The following KLHL9 variants were observed in gnomAD, a reference collection of about 807,000 sequenced individuals.
The protein encoded by KLHL9 is kelch like family member 9.
A neutral mutation model predicts 42.3 loss-of-function variants in KLHL9; 27 were observed. The ratio of observed to expected loss-of-function variants is 0.64; its 90% CI spans 0.47 to 0.88. The LOEUF is 0.88. Among genes scored for constraint, KLHL9 ranks in the 40% least tolerant of loss-of-function variants. The pLI is 0.00. For synonymous variants in KLHL9, 274 were observed against 254.4 expected, an observed-to-expected ratio of 1.08 and a Z score of -0.73; for missense variants, 629 against 750.3, an observed-to-expected ratio of 0.84 and a Z score of 1.89.
At position 21,333,646 on chromosome 9, in the gene KLHL9, C is replaced by G; in HGVS notation, c.1214G>C (p.Gly405Ala). ...CAGTTCACCAGCTGCACTGCGCCCACCAACTGCATACAAATGTCCTTTGAG... is the reference window on the plus strand; with the variant it reads ...CAGTTCACCAGCTGCACTGCGCCCAGCAACTGCATACAAATGTCCTTTGAG... ...SALKGHLYAV[G>A]GRSAAGELAT... Residue 405 changes from glycine to alanine, a missense_variant, in exon 1 of 1, where the codon GGT becomes GCT. Around this residue, in one of 4 missense-constraint regions of KLHL9, gnomAD observed 214 missense variants for 305.8 expected, o/e 0.70. Coordinates refer to ENST00000359039, the MANE Select transcript of KLHL9 (RefSeq NM_018847.4). The surrounding 1 kb of genome is among the most constrained non-coding windows in gnomAD (Gnocchi z 7.5). 6.2e-7 allele frequency: 1 copy of G among 1,614,212 alleles called. No homozygotes were observed. Among genetic ancestry groups the G allele is most frequent in the Non-Finnish European group, 8.5e-7 (1 of 1,180,038 alleles).
chr9:21,334,561 T>C lies in KLHL9; in HGVS notation c.299A>G (p.Lys100Arg), dbSNP rs1459494937. The C allele has an allele frequency of 1.9e-6, 3 of 1,614,228 alleles. No individual in the cohort carries two copies. The highest frequency in any genetic ancestry group is 1.3e-5 in the African/African-American group (1 of 75,064). Residue 100 changes from lysine (K) to arginine (R), a missense_variant, in exon 1 of 1, where the codon AAG becomes AGG. Lys to Arg is a conservative substitution (Grantham distance 26). Transcript: ENST00000359039. This position sits in a 1 kb window ranked among gnomAD's most constrained non-coding sequence, Gnocchi z 5.1. Reference protein sequence around the residue: ...LMCIKLHGVNKVGLKKIIDFI... With the variant: ...LMCIKLHGVNRVGLKKIIDFI... ...ATCAATGATTTTCTTCAGACCAACC[T>C]TGTTCACCCCATGAAGCTTAATGCA...
Position 21,329,741 on chromosome 9 carries a change from G to T in KLHL9, c.*3265C>A, listed in dbSNP as rs1820136879. On this transcript the variant is annotated 3_prime_UTR_variant, in exon 1 of 1. Transcript: ENST00000359039. ...GGTCTGGCATACTTGAAAAATATTT[G>T]ACAAATGCCTGCACATATGTACGTA... 6.6e-6 allele frequency: 1 copy of T among 150,474 alleles called. No individual in the cohort carries two copies. The highest frequency in any genetic ancestry group is 2.1e-4 in the South Asian group (1 of 4,776). The allele number at this position is 150,474 out of a possible 1,614,324, so 9.3% of individuals were successfully genotyped here.
rs1285992267 is a variant in KLHL9 at position 21,334,210 on chromosome 9, T to C, written c.650A>G (p.Lys217Arg). The C allele has an allele frequency of 6.2e-7, 1 of 1,614,208 alleles. No individual in the cohort carries two copies. The highest frequency in any genetic ancestry group is 2.2e-5 in the East Asian group (1 of 44,886). Residue 217 changes from lysine (K) to arginine (R), a missense_variant, in exon 1 of 1, where the codon AAG becomes AGG. Lys to Arg is a conservative substitution (Grantham distance 26). Coordinates refer to ENST00000359039, the MANE Select transcript of KLHL9 (RefSeq NM_018847.4). This position sits in a 1 kb window ranked among gnomAD's most constrained non-coding sequence, Gnocchi z 5.1. ...CAACCTTAGCCAGCGACAGGCTGCC[T>C]TAAAGAGTTCAAGTTCGGTACAGTG... is the stretch of plus-strand genomic sequence containing the variant. ...LKHCTELELF[K>R]AACRWLRLED... is the part of the protein sequence containing the mutation.
Position 21,334,164 on chromosome 9 carries a change from A to T in KLHL9, c.696T>A (p.Tyr232Ter). 1.2e-6 allele frequency: 2 copies of T among 1,614,254 alleles called. No homozygotes were observed. Among genetic ancestry groups the T allele is most frequent in the Non-Finnish European group, 1.7e-6 (2 of 1,180,056 alleles). ...GAATATTCTTCATTAACTTTGCAGC[A>T]TAATCCATCCGAGGGTCTTCCAACC... The part of the protein sequence containing the change: ...WLRLEDPRMD[Y>*]AAKLMKNIRF... The change falls in exon 1 of 1, where the codon TAT (tyrosine) becomes TAA (stop). Residue 232 changes from tyrosine to a stop codon, truncating the protein, a stop_gained. Coordinates refer to ENST00000359039, the MANE Select transcript of KLHL9 (RefSeq NM_018847.4). LOFTEE classifies it high-confidence loss of function. The surrounding 1 kb of genome is among the most constrained non-coding windows in gnomAD (Gnocchi z 5.1).
At position 21,333,027 on chromosome 9, in the gene KLHL9, T is replaced by C. The variant is rs114638498; in HGVS notation, c.1833A>G (p.Ser611=). The change falls in exon 1 of 1, where the codon TCA becomes TCG. Residue 611 remains serine (S), a synonymous_variant. Transcript: ENST00000359039. This position sits in a 1 kb window ranked among gnomAD's most constrained non-coding sequence, Gnocchi z 7.5. Reference sequence around the variant, plus strand: ...AGACCTAAGAATGATCTGAAGGTGCTGAAAGAGGTGATTCTCTAGAAGGTG... The same window carrying C: ...AGACCTAAGAATGATCTGAAGGTGCCGAAAGAGGTGATTCTCTAGAAGGTG... The part of the protein sequence containing the change: ...PGSPSRESPL[S]APSDHS 1,993 of 1,614,166 alleles carry C rather than the reference T, an allele frequency of 1.2e-3. 27 individuals are homozygous for C. The African/African-American group carries it at 0.024, about 19-fold the overall frequency.
chr9:21,334,826 C>G lies in KLHL9; in HGVS notation c.34G>C (p.Val12Leu), dbSNP rs779778419. The G allele has an allele frequency of 1.9e-6, 3 of 1,613,910 alleles. No homozygotes were observed. The highest frequency in any genetic ancestry group is 2.5e-6 in the Non-Finnish European group (3 of 1,179,822). Residue 12 changes from valine to leucine, a missense_variant, in exon 1 of 1, where the codon GTC (valine) becomes CTC (leucine). This residue lies in a region of KLHL9 where 351 missense variants were observed against 363.1 expected (regional missense o/e 0.97). Coordinates refer to ENST00000359039, the MANE Select transcript of KLHL9 (RefSeq NM_018847.4). This position sits in a 1 kb window ranked among gnomAD's most constrained non-coding sequence, Gnocchi z 5.1. ...KVSLGNGEMG[V>L]SAHLQPCKAG... ...TTACAAGGCTGCAAATGGGCAGAGA[C>G]GCCCATTTCGCCGTTACCAAGGGAC...
rs570882750 is a variant in KLHL9, at chr9:21,330,066, C to A, written c.*2940G>T. ...CATTTCAACCACCTAAAATTTCTCT[C>A]TATAAGAAACTCCAGGTTTAATGAG... On this transcript the variant is annotated 3_prime_UTR_variant, in exon 1 of 1. Coordinates refer to ENST00000359039, the MANE Select transcript of KLHL9 (RefSeq NM_018847.4). 1 of 152,252 alleles carries A rather than the reference C, an allele frequency of 6.6e-6. No homozygotes were observed. The highest frequency in any genetic ancestry group is 1.5e-5 in the Non-Finnish European group (1 of 68,010). The allele number at this position is 152,252 out of a possible 1,614,324, so 9.4% of individuals were successfully genotyped here.
At position 21,334,364 on chromosome 9, in the gene KLHL9, G is replaced by C; in HGVS notation, c.496C>G (p.Leu166Val). ...EVGRIANTYN[L>V]IEVDKYVNNF... ...TTAACATATTTATCCACTTCTATAA[G>C]ATTGTAGGTGTTAGCAATTCGTCCA... The change falls in exon 1 of 1, where the codon CTT (leucine) becomes GTT (valine). Residue 166 changes from leucine to valine, a missense_variant. Around this residue, in one of 4 missense-constraint regions of KLHL9, gnomAD observed 351 missense variants for 363.1 expected, o/e 0.97. Transcript: ENST00000359039. This position sits in a 1 kb window ranked among gnomAD's most constrained non-coding sequence, Gnocchi z 5.1. The C allele has an allele frequency of 6.2e-7, 1 of 1,613,430 alleles. No homozygotes were observed. Among genetic ancestry groups the C allele is most frequent in the Non-Finnish European group, 8.5e-7 (1 of 1,179,584 alleles).
At position 21,329,899 on chromosome 9, in the gene KLHL9, G is replaced by A; in HGVS notation, c.*3107C>T. On this transcript the variant is annotated 3_prime_UTR_variant, in exon 1 of 1. Coordinates refer to ENST00000359039, the MANE Select transcript of KLHL9 (RefSeq NM_018847.4). ...AAAAAGCTAACAAATGTTAATTTTT[G>A]AATACTTTCCGAAAAACTAAAACAA... The A allele has an allele frequency of 6.6e-6, 1 of 151,892 alleles. No individual in the cohort carries two copies. The highest frequency in any genetic ancestry group is 6.6e-5 in the Admixed American group (1 of 15,248). The allele number at this position is 151,892 out of a possible 1,614,324, so 9.4% of individuals were successfully genotyped here.
chr9:21,331,517 A>C lies in KLHL9; in HGVS notation c.*1489T>G, dbSNP rs1820171299. 6.6e-6 allele frequency: 1 copy of C among 151,164 alleles called. No individual in the cohort carries two copies. The highest frequency in any genetic ancestry group is 2.5e-5 in the African/African-American group (1 of 40,496). The allele number at this position is 151,164 out of a possible 1,614,324, so 9.4% of individuals were successfully genotyped here. ...GGTTGTGTGTGTGTATTACACACAC[A>C]CACAATGTATATATAAATTTTTTTT... On this transcript the variant is annotated 3_prime_UTR_variant, in exon 1 of 1. Coordinates refer to ENST00000359039, the MANE Select transcript of KLHL9 (RefSeq NM_018847.4).
In KLHL9 at chr9:21,335,175, A is replaced by G; in HGVS notation, c.-316T>C. The G allele has an allele frequency of 1.9e-6, 1 of 513,546 alleles. No individual in the cohort carries two copies. Among genetic ancestry groups the G allele is most frequent in the Non-Finnish European group, 3.5e-6 (1 of 285,064 alleles). 31.8% of individuals were successfully genotyped at this position (513,546 alleles called of 1,614,324 possible). A position where few individuals can be genotyped will look rare whatever the true frequency, so the allele number is the denominator to read the frequency against. The stretch of plus-strand genomic sequence containing the variant: ...TTCAGCAGTTCCGCTTCGGGCAAGG[A>G]AGAGGCGCCGCCACGTACTGTGGCT... On this transcript the variant is annotated 5_prime_UTR_variant, in exon 1 of 1. Transcript: ENST00000359039.
chr9:21,334,927 G>A lies in KLHL9; in HGVS notation c.-68C>T. 6.3e-7 allele frequency: 1 copy of A among 1,594,936 alleles called. No individual in the cohort carries two copies. Among genetic ancestry groups the A allele is most frequent in the Non-Finnish European group, 8.5e-7 (1 of 1,173,068 alleles). On this transcript the variant is annotated 5_prime_UTR_variant, in exon 1 of 1. Coordinates refer to ENST00000359039, the MANE Select transcript of KLHL9 (RefSeq NM_018847.4). This position sits in a 1 kb window ranked among gnomAD's most constrained non-coding sequence, Gnocchi z 5.1. Reference sequence around the variant, plus strand: ...AAGTTATAACCGGAATGTTTTACAGGTAACGAGGTGTCCAGAAAGAACAGA... The same window carrying A: ...AAGTTATAACCGGAATGTTTTACAGATAACGAGGTGTCCAGAAAGAACAGA...
In KLHL9 at chr9:21,335,387, G is replaced by C; in HGVS notation, c.-528C>G. ...ACACCGAGCCGCTCCTTCCGGAAAA[G>C]CCTAGTCCCAGGATACCACGGGGTG... On this transcript the variant is annotated 5_prime_UTR_variant, in exon 1 of 1. Transcript: ENST00000359039. 7.6e-6 allele frequency: 3 copies of C among 395,606 alleles called. No individual in the cohort carries two copies. Among genetic ancestry groups the C allele is most frequent in the Non-Finnish European group, 1.4e-5 (3 of 215,304 alleles). 24.5% of individuals were successfully genotyped at this position (395,606 alleles called of 1,614,324 possible).
chr9:21,333,025 G>C lies in KLHL9; in HGVS notation c.1835C>G (p.Ala612Gly), dbSNP rs985687144. The part of the protein sequence containing the change: ...GSPSRESPLS[A>G]PSDHS ...TTAGACCTAAGAATGATCTGAAGGT[G>C]CTGAAAGAGGTGATTCTCTAGAAGG... The change falls in exon 1 of 1, where the codon GCA becomes GGA. Residue 612 changes from alanine to glycine, a missense_variant. Ala to Gly is a moderately conservative substitution (Grantham distance 60). Coordinates refer to ENST00000359039, the MANE Select transcript of KLHL9 (RefSeq NM_018847.4). The surrounding 1 kb of genome is among the most constrained non-coding windows in gnomAD (Gnocchi z 7.5). The C allele has an allele frequency of 1.2e-6, 2 of 1,614,014 alleles. No individual in the cohort carries two copies. The highest frequency in any genetic ancestry group is 1.7e-6 in the Non-Finnish European group (2 of 1,179,978).
Position 21,333,523 on chromosome 9 carries a change from C to T in KLHL9, c.1337G>A (p.Gly446Asp). ...HYGHAGTVYGGLMYISGGITH... is the reference protein window; with the variant it reads ...HYGHAGTVYGDLMYISGGITH... ...AATTCCTCCTGAAATATACATTAAGCCTCCATATACTGTTCCAGCATGACC... is the reference window on the plus strand; with the variant it reads ...AATTCCTCCTGAAATATACATTAAGTCTCCATATACTGTTCCAGCATGACC... The change falls in exon 1 of 1, where the codon GGC becomes GAC. Residue 446 changes from glycine to aspartate, a missense_variant. Coordinates refer to ENST00000359039, the MANE Select transcript of KLHL9 (RefSeq NM_018847.4). This position sits in a 1 kb window ranked among gnomAD's most constrained non-coding sequence, Gnocchi z 7.5. The T allele has an allele frequency of 6.2e-7, 1 of 1,614,124 alleles. No homozygotes were observed. Among genetic ancestry groups the T allele is most frequent in the African/African-American group, 1.3e-5 (1 of 75,010 alleles).
Position 21,334,901 on chromosome 9 carries a change from G to A in KLHL9, c.-42C>T, listed in dbSNP as rs1229491596. 9.9e-6 allele frequency: 16 copies of A among 1,612,368 alleles called. No individual in the cohort carries two copies. Among genetic ancestry groups the A allele is most frequent in the Non-Finnish European group, 1.3e-5 (15 of 1,179,614 alleles). The stretch of plus-strand genomic sequence containing the variant: ...TGCACAGAGATGCAAGCCGGATAAA[G>A]AAGTTATAACCGGAATGTTTTACAG... On this transcript the variant is annotated 5_prime_UTR_variant, in exon 1 of 1. Coordinates refer to ENST00000359039, the MANE Select transcript of KLHL9 (RefSeq NM_018847.4). The surrounding 1 kb of genome is among the most constrained non-coding windows in gnomAD (Gnocchi z 5.1).
rs564926340 is a variant in KLHL9, at chr9:21,332,809, T to C, written c.*197A>G. On this transcript the variant is annotated 3_prime_UTR_variant, in exon 1 of 1. Transcript: ENST00000359039. Reference sequence around the variant, plus strand: ...ACATTTTTCTACGTCTTTTTTTCATTTGTTAAAACAGCTATGTTAAATACA... The same window carrying C: ...ACATTTTTCTACGTCTTTTTTTCATCTGTTAAAACAGCTATGTTAAATACA... 1 of 759,958 alleles carries C rather than the reference T, an allele frequency of 1.3e-6. No homozygotes were observed. Among genetic ancestry groups the C allele is most frequent in the African/African-American group, 1.8e-5 (1 of 56,774 alleles). 47.1% of individuals were successfully genotyped at this position (759,958 alleles called of 1,614,324 possible).
At position 21,330,971 on chromosome 9, in the gene KLHL9, C is replaced by T. The variant is rs1403609485; in HGVS notation, c.*2035G>A. The T allele has an allele frequency of 6.6e-6, 1 of 151,844 alleles. No individual in the cohort carries two copies. The highest frequency in any genetic ancestry group is 1.5e-5 in the Non-Finnish European group (1 of 67,938). The allele number at this position is 151,844 out of a possible 1,614,324, so 9.4% of individuals were successfully genotyped here. A position where few individuals can be genotyped will look rare whatever the true frequency, so the allele number is the denominator to read the frequency against. Reference sequence around the variant, plus strand: ...CTCAAAAATTAACTGAACAGCGTTGCCTTTGTAAAACTACAACAGATTGAG... The same window carrying T: ...CTCAAAAATTAACTGAACAGCGTTGTCTTTGTAAAACTACAACAGATTGAG... On this transcript the variant is annotated 3_prime_UTR_variant, in exon 1 of 1. Coordinates refer to ENST00000359039, the MANE Select transcript of KLHL9 (RefSeq NM_018847.4).
Position 21,330,017 on chromosome 9 carries a change from A to T in KLHL9, c.*2989T>A, listed in dbSNP as rs908453744. On this transcript the variant is annotated 3_prime_UTR_variant, in exon 1 of 1. Transcript: ENST00000359039. The stretch of plus-strand genomic sequence containing the variant: ...TTCTTTAAAAAATTACCAGCTTATG[A>T]AAATAAATCTCTTTCCATTTAATCA... The T allele has an allele frequency of 1.3e-5, 2 of 152,158 alleles. No homozygotes were observed. The allele number at this position is 152,158 out of a possible 1,614,324, so 9.4% of individuals were successfully genotyped here. A position where few individuals can be genotyped will look rare whatever the true frequency, so the allele number is the denominator to read the frequency against.
Sources: gnomAD v4.1 joint callset for allele counts on GRCh38, gnomAD v4.1.1 for gene constraint, gnomAD v4.1.1 regional missense constraint, Gnocchi (gnomAD v3.1) non-coding constraint, MANE v1.5 for transcripts, NCBI Gene and HGNC (gene_info 2026-07-23, HGNC 2026-07-21) for gene names.